The following FAM117B variants were observed in gnomAD, a reference collection of about 807,000 sequenced individuals.
The protein encoded by FAM117B is protein FAM117B.
FAM117B carries 22 observed loss-of-function variants against 52.8 expected under a neutral mutation model. The ratio of observed to expected loss-of-function variants is 0.42; its 90% confidence interval spans 0.30 to 0.59. The LOEUF (loss-of-function observed/expected upper bound fraction) is 0.59, where lower values mean the gene tolerates loss of function less well. Ranked by LOEUF, FAM117B falls within the 20% of genes least tolerant of loss-of-function variation. The pLI, the probability that FAM117B is intolerant of heterozygous loss-of-function variation, is 0.22. For missense variants in FAM117B, 678 were observed against 802.6 expected (o/e 0.84, Z 1.88); for synonymous variants, 309 against 324.1 (o/e 0.95, Z 0.50).
chr2:202,728,315 A>C (rs1034556167), intron 4 of FAM117B, among the ~76,000 whole-genome samples: 8 of 152,144 alleles, frequency 5.3e-5, no homozygotes, highest in South Asian at 4.1e-4. Context: ...TATAATTTCC[A>C]GTAACTTTTT....
At chr2:202,694,754 C>A (rs1263822127) in intron 1 of FAM117B, among the ~76,000 whole-genome samples, 1 of 152,078 alleles carries the variant, frequency 6.6e-6, no homozygotes, top group East Asian at 1.9e-4. Context: ...GATCAATTAG[C>A]AAGGTGTTAA....
intron 2 of FAM117B, among the ~76,000 whole-genome samples, chr2:202,710,209 G>T (rs564741860): frequency 6.6e-6 from 1 of 152,216 alleles, no homozygotes; most frequent in South Asian, 2.1e-4. Flanking sequence ...AGATGACTTT[G>T]GGTAGTGTGG....
intron 4 of FAM117B, among the ~76,000 whole-genome samples, chr2:202,727,173 G>C (rs988556141): frequency 2.6e-5 from 4 of 152,110 alleles, no homozygotes; most frequent in Admixed American, 1.3e-4. Flanking sequence ...TTGGGAATGA[G>C]GAAGGCTGGA....
chr2:202,737,609 T>C (rs555989765), intron 4 of FAM117B, among the ~76,000 whole-genome samples: 5 of 147,216 alleles, frequency 3.4e-5, no homozygotes, highest in Non-Finnish European at 7.4e-5. Flanking sequence ...TAGTTTAACT[T>C]TTTTTTTTTT....
chr2:202,765,716 A>G lies in FAM117B; in HGVS notation c.1722A>G (p.Ser574=), dbSNP rs770781945. ...VSRGTSTVMP[S]ASLLPPPEPI... The stretch of plus-strand genomic sequence containing the variant: ...GAGGAACAAGTACAGTCATGCCATC[A>G]GCTTCTCTACTCCCACCACCAGAAC... Residue 574 remains serine, a synonymous_variant, in exon 8 of 8, where the codon TCA becomes TCG. Transcript: ENST00000392238. 9.9e-6 allele frequency: 16 copies of G among 1,614,036 alleles called. No individual in the cohort carries two copies. Among genetic ancestry groups the G allele is most frequent in the African/African-American group, 5.3e-5 (4 of 74,902 alleles).
At chr2:202,684,311 C>T (rs745366242) in intron 1 of FAM117B, among the ~76,000 whole-genome samples, 7 of 152,118 alleles carry the variant, frequency 4.6e-5, no homozygotes, top group Non-Finnish European at 8.8e-5. Context: ...CCTTATTATT[C>T]GCAGATTTTG....
intron 1 of FAM117B, among the ~76,000 whole-genome samples, chr2:202,659,109 G>A (rs1346992901): frequency 1.3e-5 from 2 of 151,738 alleles, no homozygotes; most frequent in South Asian, 2.1e-4. Context: ...GGGTTCAAGC[G>A]ATTCTCCTAC....
rs1010555354 is a variant in FAM117B, at chr2:202,724,289, C to T, written c.754-628C>T. Among the ~76,000 whole-genome samples the T allele has an allele frequency of 9.2e-5, 14 of 152,224 alleles. No homozygotes were observed. The South Asian group carries it at 2.3e-3, about 25-fold the overall frequency. Reference sequence around the variant, plus strand: ...CGAACTCCTGACCTCGTGGCCTGTCCGCCTTGGCCTCCCAAAGTGCTGGGA... The same window carrying T: ...CGAACTCCTGACCTCGTGGCCTGTCTGCCTTGGCCTCCCAAAGTGCTGGGA... On this transcript the variant is annotated intron_variant, in intron 2 of 7. Transcript: ENST00000392238.
chr2:202,751,681 A>T (rs1210906993), intron 4 of FAM117B, among the ~76,000 whole-genome samples: 1 of 151,768 alleles, frequency 6.6e-6, no homozygotes, highest in Non-Finnish European at 1.5e-5. Context: ...CTGAGGCACA[A>T]GAATCACTTG....
chr2:202,744,470 G>A (rs768835538), intron 4 of FAM117B, among the ~76,000 whole-genome samples: 3 of 152,036 alleles, frequency 2.0e-5, no homozygotes, highest in South Asian at 4.1e-4. Flanking sequence ...AACACTTCCC[G>A]TTACGCCCCA....
intron 2 of FAM117B, among the ~76,000 whole-genome samples, chr2:202,702,757 G>A (rs946016123): frequency 4.6e-5 from 7 of 152,088 alleles, no homozygotes; most frequent in African/African-American, 1.4e-4. Context: ...GTTTCACTGT[G>A]TTAGCCAGGA....
chr2:202,748,082 A>G (rs985621386), intron 4 of FAM117B, among the ~76,000 whole-genome samples: 2 of 152,154 alleles, frequency 1.3e-5, no homozygotes, highest in African/African-American at 4.8e-5. Context: ...AGCTATAGTC[A>G]TCCAAACAGC....
At chr2:202,755,157 C>T (rs1449267527) in intron 4 of FAM117B, among the ~76,000 whole-genome samples, 1 of 152,038 alleles carries the variant, frequency 6.6e-6, no homozygotes, top group African/African-American at 2.4e-5. Context: ...AGATCCACCC[C>T]CATGATTTGG....
At chr2:202,694,533 T>C (rs1239430215) in intron 1 of FAM117B, among the ~76,000 whole-genome samples, 3 of 152,070 alleles carry the variant, frequency 2.0e-5, no homozygotes, top group Non-Finnish European at 2.9e-5. Context: ...CATTACTTAT[T>C]AATGTGAGGA....
chr2:202,693,870 T>C (rs1197614785), intron 1 of FAM117B, among the ~76,000 whole-genome samples: 3 of 152,214 alleles, frequency 2.0e-5, no homozygotes, highest in South Asian at 4.1e-4. Context: ...ATGTGCTCTT[T>C]TTGTAAATAA....
At chr2:202,748,137 CATTTCAGCCAGCTG>C (rs1691662715) in intron 4 of FAM117B, among the ~76,000 whole-genome samples, 1 of 152,142 alleles carries the variant, frequency 6.6e-6, no homozygotes, top group Non-Finnish European at 1.5e-5. Context: ...TAAATTCATG[CATTTCAGCCAGCTG>C]ATTTTTCACA....
chr2:202,726,282 T>A lies in FAM117B; in HGVS notation c.879T>A (p.Ser293Arg), dbSNP rs753503653. ...AATTACGCCAGCAGTTGCAGAGAAG[T>A]AAACACAGCAGTCGGCATCATCGAG... Reference protein sequence around the residue: ...IAKLRQQLQRSKHSSRHHRDK... With the variant: ...IAKLRQQLQRRKHSSRHHRDK... Residue 293 changes from serine (S) to arginine (R), a missense_variant, in exon 4 of 8, where the codon AGT (serine) becomes AGA (arginine). Transcript: ENST00000392238. The A allele has an allele frequency of 6.2e-6, 10 of 1,613,566 alleles. No homozygotes were observed. The highest frequency in any genetic ancestry group is 8.5e-6 in the Non-Finnish European group (10 of 1,179,870).
intron 2 of FAM117B, among the ~76,000 whole-genome samples, chr2:202,699,426 C>CAAAAAAAAAAAAAAAAAAA (rs751190825): frequency 1.1e-3 from 19 of 17,836 alleles, no homozygotes; most frequent in East Asian, 3.7e-3. Flanking sequence ...GACCCCATCT[C>CAAAAAAAAAAAAAAAAAAA]AAAAAAAAAA....
At chr2:202,687,178 A>G (rs977461497) in intron 1 of FAM117B, among the ~76,000 whole-genome samples, 1 of 152,236 alleles carries the variant, frequency 6.6e-6, no homozygotes, top group Non-Finnish European at 1.5e-5. Context: ...TGCCGAGTGA[A>G]TGAAGTCAGA....
Sources: allele counts gnomAD v4.1 joint callset (sites outside exome capture counted in the v4.1 genomes callset), GRCh38; gene constraint gnomAD v4.1.1; transcripts MANE v1.5; gene names NCBI Gene and HGNC (gene_info 2026-07-23, HGNC 2026-07-21).